GALK2: variants seen among roughly 807,000 people sequenced by gnomAD.
GALK2 encodes galactokinase 2, also known as N-acetylgalactosamine kinase.
Under a neutral mutation model 52.4 loss-of-function variants are expected in GALK2, and 36 were observed. That is an observed-to-expected ratio of 0.69 (90% CI 0.53 to 0.91). GALK2 has a LOEUF of 0.91. GALK2 is among the 40% of genes least tolerant of loss of function. The pLI, the probability that GALK2 is intolerant of heterozygous loss-of-function variation, is 0.00. For missense variants in GALK2, 579 were observed against 559.1 expected (o/e 1.04, Z -0.36); for synonymous variants, 176 against 199.1 (o/e 0.88, Z 0.98).
chr15:49,228,847 A>C (rs1311509051), intron 3 of GALK2, among the ~76,000 whole-genome samples: 1 of 150,154 alleles, frequency 6.7e-6, no homozygotes, highest in Non-Finnish European at 1.5e-5. Flanking sequence ...GGCACCCACC[A>C]CCACACCTGG....
intron 3 of GALK2, among the ~76,000 whole-genome samples, chr15:49,339,375 C>T (rs2040314706): frequency 6.6e-6 from 1 of 152,172 alleles, no homozygotes; most frequent in African/African-American, 2.4e-5. Flanking sequence ...AGTTTTCCTT[C>T]TAACAGTCAG....
chr15:49,240,301 G>A (rs1302600167), intron 5 of GALK2, among the ~76,000 whole-genome samples: 5 of 152,058 alleles, frequency 3.3e-5, no homozygotes, highest in Non-Finnish European at 5.9e-5. Flanking sequence ...TGTAAAATGT[G>A]TTTCCCCTGG....
chr15:49,217,378 T>C (rs1189961295), intron 3 of GALK2, 65 bp downstream of exon 3: 6 of 1,440,056 alleles, frequency 4.2e-6, no homozygotes, highest in South Asian at 1.5e-5. Context: ...ATGAACTCTT[T>C]AGGAGACATC....
intron 3 of GALK2, among the ~76,000 whole-genome samples, chr15:49,356,092 A>G (rs1737993440): frequency 1.3e-5 from 2 of 152,192 alleles, no homozygotes; most frequent in African/African-American, 4.8e-5. Flanking sequence ...TGAAGGAAGC[A>G]CTAAACATGG....
At chr15:49,297,260 C>T (rs1185310517) in intron 8 of GALK2, among the ~76,000 whole-genome samples, 3 of 152,086 alleles carry the variant, frequency 2.0e-5, no homozygotes, top group Non-Finnish European at 4.4e-5. Context: ...GTCCTTTGCC[C>T]ATTTTTTAAT....
intron 5 of GALK2, among the ~76,000 whole-genome samples, chr15:49,261,091 C>A (rs371468072): frequency 1.3e-5 from 2 of 150,226 alleles, no homozygotes; most frequent in Admixed American, 6.6e-5. Flanking sequence ...TAGTTTTTTC[C>A]AATTCTGTGA....
chr15:49,266,184 A>G (rs576185113), intron 5 of GALK2, among the ~76,000 whole-genome samples: 3 of 152,178 alleles, frequency 2.0e-5, no homozygotes, highest in East Asian at 1.9e-4. Context: ...GGCTTGTCCA[A>G]ATGGAGATCT....
chr15:49,210,810 G>A (rs1291048482), intron 2 of GALK2, among the ~76,000 whole-genome samples: 4 of 152,078 alleles, frequency 2.6e-5, no homozygotes, highest in Non-Finnish European at 4.4e-5. Flanking sequence ...GTAGTGGCAC[G>A]ATCTTGGCTC....
At chr15:49,177,732 C>A in intron 1 of GALK2, 1 of 810,872 alleles carries the variant, frequency 1.2e-6, no homozygotes, top group Non-Finnish European at 1.8e-6. Context: ...TCAGCCCATG[C>A]ATCACCCTTT....
intron 9 of GALK2, among the ~76,000 whole-genome samples, chr15:49,325,387 C>A (rs2037303627): frequency 6.6e-6 from 1 of 152,154 alleles, no homozygotes; most frequent in African/African-American, 2.4e-5. Context: ...TGCAATAGCT[C>A]AGGAGATATA....
At chr15:49,354,785 C>A (rs1469563923) in intron 3 of GALK2, among the ~76,000 whole-genome samples, 2 of 151,986 alleles carry the variant, frequency 1.3e-5, no homozygotes, top group Admixed American at 6.6e-5. Context: ...CCTCTGGGGG[C>A]AGGGCACAGA....
rs1408055357 is a variant in GALK2, at chr15:49,331,785, T to G, written c.*3626T>G. 1.3e-6 allele frequency: 2 copies of G among 1,592,212 alleles called. No homozygotes were observed. The highest frequency in any genetic ancestry group is 1.7e-6 in the Non-Finnish European group (2 of 1,160,210). ...TTTTCAGAAAGAAAACCTACCAGTT[T>G]ATGTAGGAACTTCTCAAAGTCCTGT... On this transcript the variant is annotated 3_prime_UTR_variant, in exon 10 of 10. Transcript: ENST00000560031.
chr15:49,327,882 C>G (rs952115219), intron 9 of GALK2, 70 bp from the exon 10 acceptor site: 8 of 1,470,088 alleles, frequency 5.4e-6, no homozygotes, highest in Non-Finnish European at 6.5e-6. Context: ...GCTATGTGTT[C>G]TACAAACACC....
chr15:49,367,359 AT>A, intron 3 of GALK2: 1 of 1,173,840 alleles, frequency 8.5e-7, no homozygotes, highest in Non-Finnish European at 1.2e-6. Context: ...CATGCATTCA[AT>A]TTGTTTCTCA....
intron 5 of GALK2, among the ~76,000 whole-genome samples, chr15:49,259,995 G>C (rs972307089): frequency 3.3e-5 from 5 of 151,340 alleles, no homozygotes; most frequent in South Asian, 2.1e-4. Flanking sequence ...GGACATTTGG[G>C]TTGGTTCCAA....
intron 9 of GALK2, among the ~76,000 whole-genome samples, chr15:49,323,535 GA>G (rs2037073397): frequency 6.6e-6 from 1 of 152,276 alleles, no homozygotes; most frequent in African/African-American, 2.4e-5. Context: ...GGGCTTCTTG[GA>G]AACTATTTGT....
rs35231463 is a variant in GALK2, at chr15:49,192,997, C to CTTTTTTTTTTTTTTTTTTTT, written c.54-8164_54-8145dup. Among the ~76,000 whole-genome samples the CTTTTTTTTTTTTTTTTTTTT allele has an allele frequency of 4.5e-5, 3 of 67,078 alleles. 1 individual carries two copies. The highest frequency in any genetic ancestry group is 3.0e-5 in the Non-Finnish European group (1 of 33,652). 44.0% of individuals were successfully genotyped at this position (67,078 alleles called of 152,430 possible). On this transcript the variant is annotated intron_variant, in intron 1 of 9. Transcript: ENST00000560031. ...TTTGTTATGAATTTTCTGTTTATAC[C>CTTTTTTTTTTTTTTTTTTTT]TTTTTTTTTTTTTTTTTTTTGATGG...
chr15:49,181,665 C>G (rs1595906250), intron 1 of GALK2, among the ~76,000 whole-genome samples: 1 of 151,462 alleles, frequency 6.6e-6, no homozygotes, highest in Non-Finnish European at 1.5e-5. Context: ...GAGCCCGCCA[C>G]CATGCCTGGC....
intron 1 of GALK2, 144 bp from the exon 2 acceptor site, chr15:49,201,018 C>A (rs2087704991): frequency 4.5e-6 from 2 of 447,002 alleles, no homozygotes; most frequent in Non-Finnish European, 7.8e-6. Context: ...TGCTTTTATT[C>A]TTTTAAGGAA....
Sources: gnomAD v4.1 joint callset for allele counts (sites outside exome capture counted in the v4.1 genomes callset) on GRCh38, gnomAD v4.1.1 for gene constraint, MANE v1.5 for transcripts, NCBI Gene and HGNC (gene_info 2026-07-23, HGNC 2026-07-21) for gene names.